The following LARGE1 variants were observed in gnomAD, a reference collection of about 807,000 sequenced individuals.
LARGE1 encodes xylosyl- and glucuronyltransferase LARGE1.
Under a neutral mutation model 87.6 loss-of-function variants are expected in LARGE1, and 43 were observed. The ratio of observed to expected loss-of-function variants is 0.49; its 90% CI spans 0.38 to 0.63. The LOEUF (loss-of-function observed/expected upper bound fraction) is 0.63, where lower values mean the gene tolerates loss of function less well. LARGE1 is among the 30% of genes least tolerant of loss of function. The pLI is 0.00. For missense variants in LARGE1, 802 were observed against 1,000.2 expected, an observed-to-expected ratio of 0.80 and a Z score of 2.67; for synonymous variants, 434 against 394.6, an observed-to-expected ratio of 1.10 and a Z score of -1.18.
At chr22:33,719,954 C>T (rs1294424406) in intron 2 of LARGE1, among the ~76,000 whole-genome samples, 1 of 152,144 alleles carries the variant, frequency 6.6e-6, no homozygotes, top group Non-Finnish European at 1.5e-5. Flanking sequence ...ATAGGCTATA[C>T]CAGCAGTCCC....
At chr22:33,115,815 CAAAA>C in the LARGE1 span, among the ~76,000 whole-genome samples, 1 of 97,978 alleles carries the variant, frequency 1.0e-5, no homozygotes. Context: ...GACTCTGTCT[CAAAA>C]AAAAAAAAAA....
intron 1 of LARGE1, among the ~76,000 whole-genome samples, chr22:33,790,995 C>T (rs557334675): frequency 6.6e-4 from 101 of 152,248 alleles, no homozygotes; most frequent in African/African-American, 2.3e-3. Context: ...AAAACAACGG[C>T]AGTAACTTTT....
intron 8 of LARGE1, 31 bp downstream of exon 8, chr22:33,384,161 A>T: frequency 2.1e-6 from 3 of 1,450,958 alleles, no homozygotes; most frequent in Non-Finnish European, 2.9e-6. Flanking sequence ...CACACTCAGG[A>T]ATAGCTGCAC....
chr22:33,427,724 G>A (rs1200583473), intron 7 of LARGE1, among the ~76,000 whole-genome samples: 1 of 152,242 alleles, frequency 6.6e-6, no homozygotes, highest in South Asian at 2.1e-4. Context: ...ACTTGCTAAA[G>A]TACTTTGGTT....
intron 1 of LARGE1, among the ~76,000 whole-genome samples, chr22:33,786,040 C>G (rs1026774998): frequency 6.6e-6 from 1 of 152,130 alleles, no homozygotes; most frequent in African/African-American, 2.4e-5. Context: ...CCAAGTCTGA[C>G]AGCATCTTTA....
At chr22:33,348,450 C>G (rs182431943) in intron 9 of LARGE1, among the ~76,000 whole-genome samples, 15 of 152,068 alleles carry the variant, frequency 9.9e-5, no homozygotes, top group African/African-American at 3.6e-4. Flanking sequence ...ATAATAATAC[C>G]TGCTGCATAG....
chr22:33,869,157 C>T (rs2064199337), intron 1 of LARGE1, among the ~76,000 whole-genome samples: 1 of 152,126 alleles, frequency 6.6e-6, no homozygotes, highest in Admixed American at 6.5e-5. Context: ...CCCTCTCTTA[C>T]CCTTGGAGCC....
chr22:33,477,592 C>G (rs1602028719), intron 6 of LARGE1, among the ~76,000 whole-genome samples: 2 of 152,138 alleles, frequency 1.3e-5, no homozygotes, highest in East Asian at 3.9e-4. Flanking sequence ...AGACACAACT[C>G]CCCCCAGCCA....
chr22:33,839,463 G>A (rs2063206389), intron 1 of LARGE1, among the ~76,000 whole-genome samples: 1 of 152,132 alleles, frequency 6.6e-6, no homozygotes, highest in Non-Finnish European at 1.5e-5. Context: ...CCATATCAGC[G>A]AGAAAAAAGC....
At chr22:33,901,964 TA>T (rs1428955721) in intron 1 of LARGE1, among the ~76,000 whole-genome samples, 1 of 152,206 alleles carries the variant, frequency 6.6e-6, no homozygotes, top group African/African-American at 2.4e-5. Context: ...TGTTTCATTC[TA>T]AACAGAGACA....
intron 4 of LARGE1, among the ~76,000 whole-genome samples, chr22:33,625,503 G>T (rs2079893370): frequency 6.6e-6 from 1 of 152,178 alleles, no homozygotes; most frequent in Non-Finnish European, 1.5e-5. Flanking sequence ...TTTAACTAAG[G>T]CAGGACTTTT....
At chr22:33,812,220 G>A (rs1373331129) in intron 1 of LARGE1, among the ~76,000 whole-genome samples, 1 of 152,172 alleles carries the variant, frequency 6.6e-6, no homozygotes, top group African/African-American at 2.4e-5. Flanking sequence ...CCAAAGGGCT[G>A]GACCATGAAG....
intron 11 of LARGE1, among the ~76,000 whole-genome samples, chr22:33,167,248 C>T (rs938352399): frequency 2.6e-5 from 4 of 152,128 alleles, no homozygotes; most frequent in African/African-American, 9.7e-5. Context: ...TATGTCTGAA[C>T]ATTTTTCTCC....
At chr22:33,425,742 A>G (rs1362314570) in intron 7 of LARGE1, among the ~76,000 whole-genome samples, 4 of 152,134 alleles carry the variant, frequency 2.6e-5, no homozygotes, top group Non-Finnish European at 5.9e-5. Context: ...TCCAGACTTT[A>G]TAAGATCTCT....
chr22:33,595,985 C>T (rs1043993431), intron 5 of LARGE1, among the ~76,000 whole-genome samples: 1 of 152,270 alleles, frequency 6.6e-6, no homozygotes, highest in South Asian at 2.1e-4. Flanking sequence ...AAATATGGAA[C>T]AGGGTCCTTT....
chr22:33,132,792 A>G, the LARGE1 span, among the ~76,000 whole-genome samples: 1 of 152,052 alleles, frequency 6.6e-6, no homozygotes, highest in Non-Finnish European at 1.5e-5. Flanking sequence ...TTCTCACCAC[A>G]TCACTTCCAG....
intron 1 of LARGE1, among the ~76,000 whole-genome samples, chr22:33,782,657 G>T (rs2145907177): frequency 6.6e-6 from 1 of 152,170 alleles, no homozygotes; most frequent in East Asian, 1.9e-4. Context: ...ACGAGGTCAG[G>T]AGATCAAGAC....
chr22:33,095,361 T>A, the LARGE1 span, among the ~76,000 whole-genome samples: 1 of 152,200 alleles, frequency 6.6e-6, no homozygotes. Context: ...AACCTCTGCT[T>A]CTGTTGTCAT....
intron 1 of LARGE1, among the ~76,000 whole-genome samples, chr22:33,830,693 C>T (rs1309963065): frequency 6.6e-6 from 1 of 152,004 alleles, no homozygotes; most frequent in Non-Finnish European, 1.5e-5. Context: ...GTTCTCTTGG[C>T]CCACTCAGGC....
Sources: gnomAD v4.1 joint callset for allele counts (sites outside exome capture counted in the v4.1 genomes callset) on GRCh38, gnomAD v4.1.1 for gene constraint, MANE v1.5 for transcripts, NCBI Gene and HGNC (gene_info 2026-07-23, HGNC 2026-07-21) for gene names.